The following NPAT variants were observed in gnomAD, a reference collection of about 807,000 sequenced individuals.
The protein encoded by NPAT is nuclear protein, coactivator of histone transcription, also known as protein NPAT.
In NPAT, 52 loss-of-function variants were observed where a neutral mutation model predicts 130.7. The observed-to-expected ratio is 0.40, with a 90% confidence interval of 0.32 to 0.50. The LOEUF (loss-of-function observed/expected upper bound fraction) is 0.50. NPAT is among the 20% of genes least tolerant of loss of function. The pLI is 0.68. For synonymous variants in NPAT, 580 were observed against 584.8 expected (o/e 0.99, Z 0.12); for missense variants, 1,687 against 1,662.6 (o/e 1.01, Z -0.26).
Position 108,172,988 on chromosome 11 carries a change from C to A in NPAT, c.1996G>T (p.Val666Leu), listed in dbSNP as rs1241178198. The A allele has an allele frequency of 1.9e-6, 3 of 1,614,104 alleles. No individual in the cohort carries two copies. Among genetic ancestry groups the A allele is most frequent in the Non-Finnish European group, 1.7e-6 (2 of 1,180,020 alleles). The change falls in exon 13 of 18, where the codon GTA becomes TTA. Residue 666 changes from valine to leucine, a missense_variant. Val to Leu is a conservative substitution (Grantham distance 32). Coordinates refer to ENST00000278612, the MANE Select transcript of NPAT (RefSeq NM_002519.3). Reference protein sequence around the residue: ...SENSQEPSSSVKEENTIFLSL... With the variant: ...SENSQEPSSSLKEENTIFLSL... ...AGAAAAATAGTATTCTCTTCTTTTACAGAAGATGAAGGCTCCTGTGAATTC... is the reference window on the plus strand; with the variant it reads ...AGAAAAATAGTATTCTCTTCTTTTAAAGAAGATGAAGGCTCCTGTGAATTC...
intron 1 of NPAT, chr11:108,208,447 G>C (rs1263865755): frequency 4.4e-6 from 2 of 456,044 alleles, no homozygotes; most frequent in South Asian, 3.1e-5. Context: ...AATTAGCTGG[G>C]CTTGGTGGTG....
chr11:108,190,656 C>A (rs1311674810), intron 4 of NPAT, among the ~76,000 whole-genome samples, 156 bp from the exon 5 acceptor site: 1 of 152,120 alleles, frequency 6.6e-6, no homozygotes, highest in Non-Finnish European at 1.5e-5. Context: ...TTTGGGCAAG[C>A]AACTGTGATT....
intron 15 of NPAT, among the ~76,000 whole-genome samples, chr11:108,168,412 A>G (rs922198511): frequency 2.6e-5 from 4 of 152,240 alleles, no homozygotes; most frequent in African/African-American, 7.2e-5. Flanking sequence ...TAGAGTAGCT[A>G]TAACAGGACA....
intron 13 of NPAT, among the ~76,000 whole-genome samples, chr11:108,170,509 G>C (rs1448032993): frequency 2.6e-5 from 4 of 151,858 alleles, no homozygotes; most frequent in Non-Finnish European, 5.9e-5. Context: ...TATCTCAATG[G>C]TATTGATCAA....
intron 1 of NPAT, among the ~76,000 whole-genome samples, chr11:108,220,913 A>G (rs1410038117): frequency 6.6e-6 from 1 of 152,226 alleles, no homozygotes; most frequent in East Asian, 1.9e-4. Context: ...AATGGCAGGC[A>G]CATTGCGGGA....
At chr11:108,221,028 T>C (rs1046195019) in intron 1 of NPAT, among the ~76,000 whole-genome samples, 5 of 152,020 alleles carry the variant, frequency 3.3e-5, no homozygotes, top group East Asian at 1.9e-4. Flanking sequence ...GTCAGCAGAG[T>C]AGCTGGTTTG....
At chr11:108,163,507 T>C (rs1163109170) in intron 15 of NPAT, among the ~76,000 whole-genome samples, 1 of 152,178 alleles carries the variant, frequency 6.6e-6, no homozygotes, top group African/African-American at 2.4e-5. Flanking sequence ...TAGATGGCTA[T>C]ATTCCAGGTA....
At chr11:108,200,808 C>T (rs1482470273) in intron 1 of NPAT, among the ~76,000 whole-genome samples, 1 of 152,140 alleles carries the variant, frequency 6.6e-6, no homozygotes, top group East Asian at 1.9e-4. Flanking sequence ...ATGGTGGTTC[C>T]CAATCCCTAT....
intron 10 of NPAT, among the ~76,000 whole-genome samples, chr11:108,182,554 G>C (rs371135400): frequency 6.6e-6 from 1 of 152,274 alleles, no homozygotes; most frequent in Non-Finnish European, 1.5e-5. Flanking sequence ...CTGGAGTGCA[G>C]TGGCGCGATC....
chr11:108,162,044 A>G (rs761771080), intron 16 of NPAT, 30 bp from the exon 17 acceptor site: 4 of 1,610,728 alleles, frequency 2.5e-6, no homozygotes, highest in Non-Finnish European at 8.5e-7. Flanking sequence ...AACTATTTCT[A>G]GCAGCATAAA....
chr11:108,159,037 G>A lies in NPAT; in HGVS notation c.4207-18C>T. The A allele has an allele frequency of 6.4e-7, 1 of 1,568,262 alleles. No individual in the cohort carries two copies. The highest frequency in any genetic ancestry group is 8.7e-7 in the Non-Finnish European group (1 of 1,146,378). On this transcript the variant is annotated intron_variant, in intron 17 of 17. Coordinates refer to ENST00000278612, the MANE Select transcript of NPAT (RefSeq NM_002519.3). The stretch of plus-strand genomic sequence containing the variant: ...TTCTTTTTCTGTTGAAAAAGAGAAA[G>A]AAAAAATAAACTCAAAACAAGGCCA...
At position 108,222,620 on chromosome 11, in the gene NPAT, T is replaced by C. The variant is rs1401009724; in HGVS notation, c.-84A>G. The C allele has an allele frequency of 4.8e-6, 7 of 1,446,820 alleles. No individual in the cohort carries two copies. Among genetic ancestry groups the C allele is most frequent in the Non-Finnish European group, 5.8e-6 (6 of 1,038,454 alleles). 89.6% of individuals were successfully genotyped at this position (1,446,820 alleles called of 1,614,324 possible). On this transcript the variant is annotated 5_prime_UTR_variant, in exon 1 of 18. Coordinates refer to ENST00000278612, the MANE Select transcript of NPAT (RefSeq NM_002519.3). ...GCGACAGCTCCTGCGCCGCATCTCC[T>C]GGTTCCAGTGGCGGCACTGAACTCG...
In NPAT at chr11:108,160,929, C is replaced by T. The variant is rs781529538; in HGVS notation, c.4157G>A (p.Ser1386Asn). The change falls in exon 17 of 18, where the codon AGT becomes AAT. Residue 1386 changes from serine (S) to asparagine (N), a missense_variant. Physicochemically the swap from Ser to Asn is conservative, Grantham distance 46 (BLOSUM62 1). This residue lies in a region of NPAT where 1,379 missense variants were observed against 1,346.6 expected (regional missense o/e 1.02). Transcript: ENST00000278612. ...TATTGATGAATTTGTAAGATTTTTA[C>T]TAGAAGGACGAGAGTTTCGCTCACG... ...DERERNSRPSSKNLTNSSIPM... is the reference protein window; with the variant it reads ...DERERNSRPSNKNLTNSSIPM... 1.2e-6 allele frequency: 2 copies of T among 1,613,940 alleles called. No homozygotes were observed. The highest frequency in any genetic ancestry group is 2.7e-5 in the African/African-American group (2 of 74,878).
At chr11:108,159,064 A>C in intron 17 of NPAT, 45 bp from the exon 18 acceptor site, 4 of 1,279,186 alleles carry the variant, frequency 3.1e-6, no homozygotes, top group South Asian at 1.2e-5. Flanking sequence ...ACAAGGCCAA[A>C]ATGCTTTCTT....
rs1470332061 is a variant in NPAT at position 108,186,347 on chromosome 11, A to G, written c.726+135T>C. ...TTTATTAAATGATCCAACAACAACA[A>G]TGTATTTACAGATATCTATAAACTT... On this transcript the variant is annotated intron_variant, in intron 8 of 17. Transcript: ENST00000278612. 1.9e-5 allele frequency: 13 copies of G among 700,462 alleles called. No individual in the cohort carries two copies. In the East Asian group the frequency reaches 2.7e-4, roughly 15 times the overall value. The allele number at this position is 700,462 out of a possible 1,614,324, so 43.4% of individuals were successfully genotyped here. A position where few individuals can be genotyped will look rare whatever the true frequency, so the allele number is the denominator to read the frequency against.
chr11:108,169,144 A>G (rs546310148), intron 15 of NPAT, among the ~76,000 whole-genome samples: 1 of 152,334 alleles, frequency 6.6e-6, no homozygotes, highest in South Asian at 2.1e-4. Flanking sequence ...ACTAAGAAGG[A>G]GAGGAAAATG....
chr11:108,159,638 C>G (rs1029397670), intron 17 of NPAT, among the ~76,000 whole-genome samples: 4 of 152,228 alleles, frequency 2.6e-5, no homozygotes, highest in East Asian at 1.9e-4. Flanking sequence ...TACTAAACAG[C>G]TAACCAAATC....
At chr11:108,163,483 G>A (rs1404628731) in intron 15 of NPAT, among the ~76,000 whole-genome samples, 1 of 152,178 alleles carries the variant, frequency 6.6e-6, no homozygotes, top group African/African-American at 2.4e-5. Flanking sequence ...AAAACTGGAA[G>A]TAGAAACTCT....
chr11:108,202,265 A>C (rs2078281897), intron 1 of NPAT, among the ~76,000 whole-genome samples: 1 of 152,062 alleles, frequency 6.6e-6, no homozygotes, highest in African/African-American at 2.4e-5. Flanking sequence ...GGAAGTGGCA[A>C]TATTACATTG....
Sources: gnomAD v4.1 joint callset for allele counts (sites outside exome capture counted in the v4.1 genomes callset) on GRCh38, gnomAD v4.1.1 for gene constraint, gnomAD v4.1.1 regional missense constraint, MANE v1.5 for transcripts, NCBI Gene and HGNC (gene_info 2026-07-23, HGNC 2026-07-21) for gene names.